The following MZT2A variants were observed in gnomAD, a reference collection of about 807,000 sequenced individuals.
MZT2A encodes mitotic spindle organizing protein 2A, also known as mitotic-spindle organizing protein 2A.
In MZT2A, 8 loss-of-function variants were observed where a neutral mutation model predicts 12.4. That is an observed-to-expected ratio of 0.64 (90% CI 0.38 to 1.16). The LOEUF (loss-of-function observed/expected upper bound fraction) is 1.16. Among genes scored for constraint, MZT2A ranks in the 50% most tolerant of loss-of-function variants. The pLI is 0.01. For synonymous variants in MZT2A, 88 were observed against 107.5 expected (o/e 0.82, Z 1.12); for missense variants, 181 against 223.6 (o/e 0.81, Z 1.22).
rs761072583 is a variant in MZT2A at position 131,484,031 on chromosome 2, G to A, written c.*30C>T. On this transcript the variant is annotated 3_prime_UTR_variant, in exon 3 of 3. Coordinates refer to ENST00000309451, the MANE Select transcript of MZT2A (RefSeq NM_001085365.2). ...GAGGTAACATGTAGCCTTTGCTGGG[G>A]ACAAAGATGTGACAAGTCTCTGCCC... 2.5e-5 allele frequency: 40 copies of A among 1,582,566 alleles called. No individual in the cohort carries two copies. The Admixed American group carries it at 6.6e-4, about 26-fold the overall frequency.
At chr2:131,476,884 G>A (rs1217831439) in intron 2 of MZT2A, among the ~76,000 whole-genome samples, 1 of 148,840 alleles carries the variant, frequency 6.7e-6, no homozygotes, top group Non-Finnish European at 1.5e-5. Context: ...GCAGTGAGTC[G>A]TGATGGCGCC....
intron 2 of MZT2A, chr2:131,490,475 T>G: frequency 7.2e-7 from 1 of 1,390,218 alleles, no homozygotes; most frequent in South Asian, 1.5e-5. Flanking sequence ...GCCTCTGGGG[T>G]GTGGGGATGT....
At chr2:131,474,602 G>A (rs1382772150) in intron 2 of MZT2A, among the ~76,000 whole-genome samples, 3 of 151,040 alleles carry the variant, frequency 2.0e-5, no homozygotes, top group Non-Finnish European at 4.4e-5. Flanking sequence ...TAGAGGAAGG[G>A]TTTCATCATG....
intron 2 of MZT2A, among the ~76,000 whole-genome samples, chr2:131,488,506 G>A (rs1422140531): frequency 1.3e-5 from 2 of 152,172 alleles, no homozygotes; most frequent in African/African-American, 4.8e-5. Context: ...CGAGTCCTGT[G>A]GGAAACCTAT....
chr2:131,488,629 T>C (rs1679153727), intron 2 of MZT2A, among the ~76,000 whole-genome samples: 1 of 151,474 alleles, frequency 6.6e-6, no homozygotes, highest in Non-Finnish European at 1.5e-5. Context: ...CTCTGTGTGG[T>C]CAGAAGCTGT....
downstream of MZT2A, among the ~76,000 whole-genome samples, chr2:131,482,121 T>C (rs1678884533): frequency 6.6e-6 from 1 of 152,228 alleles, no homozygotes; most frequent in Non-Finnish European, 1.5e-5. Context: ...CAGTGGCTTG[T>C]TCTGTGGGTC....
At chr2:131,482,553 TG>T (rs2104728545), downstream of MZT2A, 1 of 1,600,682 alleles carries the variant, frequency 6.2e-7, no homozygotes, top group African/African-American at 1.3e-5. Flanking sequence ...CTCTGGCAGG[TG>T]GGCATTAACT....
intron 2 of MZT2A, among the ~76,000 whole-genome samples, chr2:131,489,202 T>TA (rs1679184759): frequency 7.3e-6 from 1 of 136,478 alleles, no homozygotes; most frequent in Non-Finnish European, 1.6e-5. Context: ...CTTTCTTTTC[T>TA]TTTTTTTTTT....
downstream of MZT2A, chr2:131,480,889 T>G: frequency 3.2e-6 from 4 of 1,247,756 alleles, no homozygotes; most frequent in African/African-American, 1.6e-5. Flanking sequence ...GAACCAGAGT[T>G]GATAATTGAT....
intron 2 of MZT2A, among the ~76,000 whole-genome samples, chr2:131,475,319 CTTTTTTTTTTTTT>C (rs551443616): frequency 0.016 from 1,558 of 94,540 alleles, 25 homozygotes; most frequent in Non-Finnish European, 0.024. Context: ...TCCTTTCTTC[CTTTTTTTTTTTTT>C]TTTTTTTTTT....
In MZT2A at chr2:131,492,289, T is replaced by C; in HGVS notation, c.88A>G (p.Lys30Glu). The C allele has an allele frequency of 1.3e-6, 2 of 1,561,116 alleles. No homozygotes were observed. Among genetic ancestry groups the C allele is most frequent in the Non-Finnish European group, 1.7e-6 (2 of 1,162,546 alleles). Residue 30 changes from lysine to glutamate, a missense_variant, in exon 1 of 3, where the codon AAG becomes GAG. Transcript: ENST00000309451. ...AARQKLALRR[K>E]KVLSTEEMEL... ...ATCTCCTCGGTGCTCAGCACCTTCTTGCGCCGCAGCGCCAGCTTCTGCCGG... is the reference window on the plus strand; with the variant it reads ...ATCTCCTCGGTGCTCAGCACCTTCTCGCGCCGCAGCGCCAGCTTCTGCCGG...
chr2:131,490,909 G>C (rs749881467), intron 2 of MZT2A: 26 of 1,549,708 alleles, frequency 1.7e-5, no homozygotes, highest in Non-Finnish European at 2.2e-5. Context: ...GTCAGAGAGA[G>C]ACACAAAGAG....
At chr2:131,493,078 T>G, upstream of MZT2A, 2 of 1,495,606 alleles carry the variant, frequency 1.3e-6, no homozygotes, top group Non-Finnish European at 1.8e-6. Context: ...ATGACGACGT[T>G]TTGGCGCGGT....
At chr2:131,476,114 G>A in intron 2 of MZT2A, 1 of 1,607,072 alleles carries the variant, frequency 6.2e-7, no homozygotes, top group South Asian at 1.1e-5. Context: ...GCGCGCACAG[G>A]CAGGAGGTTG....
chr2:131,491,981 C>G lies in MZT2A; in HGVS notation c.214G>C (p.Val72Leu), dbSNP rs760803521. ...LLKLNVAPLA[V>L]FQMLKSMCAG... ...CACATGGACTTGAGCATCTGGAAGA[C>G]GGCGAGGGGGGCCACGTTCAGCTTC... Residue 72 changes from valine (V) to leucine (L), a missense_variant, in exon 2 of 3, where the codon GTC becomes CTC. Around this residue, in one of 3 missense-constraint regions of MZT2A, gnomAD observed 106 missense variants for 127.2 expected, o/e 0.83. Transcript: ENST00000309451. 37 of 1,551,828 alleles carry G rather than the reference C, an allele frequency of 2.4e-5. No homozygotes were observed. The highest frequency in any genetic ancestry group is 3.1e-5 in the Non-Finnish European group (36 of 1,148,140).
upstream of MZT2A, chr2:131,492,941 C>G: frequency 2.0e-6 from 3 of 1,526,070 alleles, no homozygotes; most frequent in South Asian, 2.4e-5. Flanking sequence ...CCTGCCTCGC[C>G]ATTTCCCCTC....
At chr2:131,475,632 G>A (rs1678634030) in intron 2 of MZT2A, among the ~76,000 whole-genome samples, 1 of 152,184 alleles carries the variant, frequency 6.6e-6, no homozygotes, top group South Asian at 2.1e-4. Flanking sequence ...CGCCCGGCCC[G>A]TTTTCTCCTT....
At position 131,472,513 on chromosome 2, in the gene MZT2A, T is replaced by A. The variant is rs552641944; in HGVS notation, c.279-331A>T. 8.5e-5 allele frequency among the ~76,000 whole-genome samples: 13 copies of A among 152,270 alleles called. No homozygotes were observed. The East Asian group carries it at 2.5e-3, about 29-fold the overall frequency. On this transcript the variant is annotated intron_variant and NMD_transcript_variant, in intron 2 of 4. Transcript: ENST00000427024. ...TGTGTTACTTTTATAATCAGAAAAA[T>A]AAATATTGCAGCCATGTAGCATATA...
At chr2:131,476,210 C>T (rs764823700) in intron 2 of MZT2A, 2 of 1,613,914 alleles carry the variant, frequency 1.2e-6, no homozygotes, top group South Asian at 2.2e-5. Flanking sequence ...ATGGTAAGGC[C>T]CGGGTCACTC....
Sources: allele counts gnomAD v4.1 joint callset (sites outside exome capture counted in the v4.1 genomes callset), GRCh38; gene constraint gnomAD v4.1.1; regional missense constraint gnomAD v4.1.1; transcripts MANE v1.5; gene names NCBI Gene and HGNC (gene_info 2026-07-23, HGNC 2026-07-21).